Variants in SEM1 observed in about 807,000 individuals in gnomAD.
The protein encoded by SEM1 is 26S proteasome complex subunit SEM1.
SEM1 carries 3 observed loss-of-function variants against 12.7 expected under a neutral mutation model. The observed-to-expected ratio is 0.24, with a 90% CI of 0.11 to 0.61. The LOEUF (loss-of-function observed/expected upper bound fraction) is 0.61, where lower values mean the gene tolerates loss of function less well. Among genes scored for constraint, SEM1 ranks in the 20% least tolerant of loss-of-function variants. SEM1 has a pLI of 0.88. For synonymous variants in SEM1, 30 were observed against 27.8 expected (o/e 1.08, Z -0.25); for missense variants, 59 against 81.3 (o/e 0.73, Z 1.06).
chr7:96,677,006 CCTG>C (rs1449664948), intron 2 of SEM1, among the ~76,000 whole-genome samples: 2 of 152,160 alleles, frequency 1.3e-5, no homozygotes, highest in African/African-American at 4.8e-5. Flanking sequence ...AGGCTTTAAT[CCTG>C]CTAAGATAAA....
At chr7:96,702,475 T>C (rs2115992503) in intron 1 of SEM1, among the ~76,000 whole-genome samples, 1 of 152,286 alleles carries the variant, frequency 6.6e-6, no homozygotes, top group East Asian at 1.9e-4. Context: ...CAAAGAATAA[T>C]GGAGACATGG....
At position 96,706,747 on chromosome 7, in the gene SEM1, G is replaced by C. The variant is rs150603713; in HGVS notation, c.76+2941C>G. ...AGAAAATCTATTAGTCGAACCACCA[G>C]TAACGACTTTCATGTGGCAACCTCT... On this transcript the variant is annotated intron_variant, in intron 1 of 2. Transcript: ENST00000248566. Among the ~76,000 whole-genome samples the C allele has an allele frequency of 3.6e-4, 55 of 152,194 alleles. 1 individual carries two copies. The East Asian group carries it at 8.9e-3, about 25-fold the overall frequency.
chr7:96,520,884 G>A (rs1351911963), intron 2 of SEM1, among the ~76,000 whole-genome samples: 1 of 152,002 alleles, frequency 6.6e-6, no homozygotes, highest in African/African-American at 2.4e-5. Context: ...ATCCCAGCTT[G>A]CAAAAGCAAG....
At chr7:96,590,872 T>G (rs1806808180) in intron 2 of SEM1, among the ~76,000 whole-genome samples, 3 of 151,776 alleles carry the variant, frequency 2.0e-5, no homozygotes. Context: ...AGAGGGAGGG[T>G]CGGGGTTACA....
At chr7:96,709,542 G>C (rs1291192809) in intron 1 of SEM1, 146 bp downstream of exon 1, 1 of 737,694 alleles carries the variant, frequency 1.4e-6, no homozygotes, top group Admixed American at 2.3e-5. Flanking sequence ...CGCCACTGAG[G>C]GGTGAGCGTT....
Position 96,660,226 on chromosome 7 carries a change from G to T in SEM1, c.170+34572C>A, listed in dbSNP as rs1044578682. Among the ~76,000 whole-genome samples the T allele has an allele frequency of 4.4e-4, 67 of 152,150 alleles. 1 individual carries two copies. The highest frequency in any genetic ancestry group is 1.6e-3 in the African/African-American group (66 of 41,556). ...GAGTGTGTCCCAACATAATGACAAAGATTTCAACTCCCCAGGAAGATCCAA... is the reference window on the plus strand; with the variant it reads ...GAGTGTGTCCCAACATAATGACAAATATTTCAACTCCCCAGGAAGATCCAA... On this transcript the variant is annotated intron_variant, in intron 2 of 2. Transcript: ENST00000417009.
intron 2 of SEM1, among the ~76,000 whole-genome samples, chr7:96,668,394 T>A (rs1318825702): frequency 1.3e-5 from 2 of 152,158 alleles, no homozygotes; most frequent in Non-Finnish European, 2.9e-5. Flanking sequence ...ATACACCTCA[T>A]CACAATTATT....
chr7:96,529,439 C>CT (rs1372300326), intron 2 of SEM1, among the ~76,000 whole-genome samples: 3 of 152,084 alleles, frequency 2.0e-5, no homozygotes, highest in African/African-American at 7.2e-5. Flanking sequence ...TTACAAAGTA[C>CT]TTTTGCATAT....
At chr7:96,653,989 A>G (rs942860735) in intron 2 of SEM1, among the ~76,000 whole-genome samples, 1 of 152,182 alleles carries the variant, frequency 6.6e-6, no homozygotes, top group African/African-American at 2.4e-5. Context: ...TGAGGGGGAG[A>G]CTTACAGAGA....
intron 2 of SEM1, among the ~76,000 whole-genome samples, chr7:96,577,134 A>G (rs952447628): frequency 1.3e-5 from 2 of 151,818 alleles, no homozygotes; most frequent in Admixed American, 6.6e-5. Context: ...AAAAATGGAT[A>G]CAATATTTGA....
chr7:96,672,481 ACTT>A (rs1205326402), downstream of SEM1: 1 of 152,066 alleles, frequency 6.6e-6, no homozygotes, highest in Non-Finnish European at 1.5e-5. Flanking sequence ...GAGTACCATC[ACTT>A]CCTGGATGGT....
intron 2 of SEM1, among the ~76,000 whole-genome samples, chr7:96,516,099 A>G (rs759870286): frequency 6.6e-6 from 1 of 152,106 alleles, no homozygotes; most frequent in East Asian, 1.9e-4. Context: ...AAATTACTCA[A>G]AATGGATTTA....
intron 2 of SEM1, among the ~76,000 whole-genome samples, chr7:96,521,018 GTTA>G (rs1804250352): frequency 1.3e-5 from 2 of 152,060 alleles, no homozygotes; most frequent in Non-Finnish European, 2.9e-5. Flanking sequence ...AACAAAACAG[GTTA>G]TTTTGCTGCA....
At chr7:96,687,790 T>C (rs368252373), downstream of SEM1, among the ~76,000 whole-genome samples, 19 of 151,864 alleles carry the variant, frequency 1.3e-4, no homozygotes, top group East Asian at 3.7e-3. Flanking sequence ...TAATAATAAT[T>C]TAAAAAAAAA....
At chr7:96,576,534 T>C (rs1327059345) in intron 2 of SEM1, among the ~76,000 whole-genome samples, 1 of 152,194 alleles carries the variant, frequency 6.6e-6, no homozygotes, top group Non-Finnish European at 1.5e-5. Flanking sequence ...TGTATCATCT[T>C]TTTTATGGTT....
chr7:96,597,707 A>G (rs1036361819), intron 2 of SEM1, among the ~76,000 whole-genome samples: 7 of 151,292 alleles, frequency 4.6e-5, no homozygotes, highest in Admixed American at 4.0e-4. Flanking sequence ...ACACACACAC[A>G]CCACATACAC....
intron 2 of SEM1, among the ~76,000 whole-genome samples, chr7:96,569,386 G>A (rs1054300138): frequency 1.3e-5 from 2 of 152,014 alleles, no homozygotes; most frequent in Non-Finnish European, 2.9e-5. Flanking sequence ...GCAGTGAATG[G>A]TGTGGAAGCT....
chr7:96,584,344 G>A (rs1008186389), intron 2 of SEM1, among the ~76,000 whole-genome samples: 1 of 152,154 alleles, frequency 6.6e-6, no homozygotes, highest in Non-Finnish European at 1.5e-5. Flanking sequence ...TCTGCTGTTA[G>A]TCTGATGGGC....
chr7:96,609,669 C>G (rs1267277052), intron 2 of SEM1, among the ~76,000 whole-genome samples: 3 of 152,062 alleles, frequency 2.0e-5, no homozygotes, highest in Non-Finnish European at 4.4e-5. Flanking sequence ...AATATTTGTA[C>G]AAAAGTAATT....
Sources: gnomAD v4.1 joint callset for allele counts (sites outside exome capture counted in the v4.1 genomes callset) on GRCh38, gnomAD v4.1.1 for gene constraint, MANE v1.5 for transcripts, NCBI Gene and HGNC (gene_info 2026-07-23, HGNC 2026-07-21) for gene names.